COL8A1: variants seen among roughly 807,000 people sequenced by gnomAD.
The protein encoded by COL8A1 is collagen alpha-1(VIII) chain.
COL8A1 carries 21 observed loss-of-function variants against 42.7 expected under a neutral mutation model. That is an observed-to-expected ratio of 0.49 (90% confidence interval 0.35 to 0.71). COL8A1 has a LOEUF of 0.71. Among genes scored for constraint, COL8A1 ranks in the 30% least tolerant of loss-of-function variants. The pLI, the probability that COL8A1 is intolerant of heterozygous loss-of-function variation, is 0.01. For synonymous variants in COL8A1, 367 were observed against 369.1 expected (o/e 0.99, Z 0.06); for missense variants, 788 against 962.4 (o/e 0.82, Z 2.40).
intron 2 of COL8A1, among the ~76,000 whole-genome samples, chr3:99,778,864 C>T (rs750413462): frequency 1.3e-5 from 2 of 152,110 alleles, no homozygotes; most frequent in African/African-American, 2.4e-5. Flanking sequence ...ATTTGACAAG[C>T]ATTTCTCAAG....
At position 99,676,782 on chromosome 3, in the gene COL8A1, A is replaced by G. The variant is rs1421944134; in HGVS notation, c.-129+38118A>G. 2.0e-5 allele frequency among the ~76,000 whole-genome samples: 3 copies of G among 152,142 alleles called. No individual in the cohort carries two copies. The East Asian group carries it at 5.8e-4, about 29-fold the overall frequency. On this transcript the variant is annotated intron_variant, in intron 1 of 3. Transcript: ENST00000652472. ...AGGAAAAATATAATTTTCATTATTT[A>G]TTGTTAGAATTAATAACTGCATTTA...
intron 1 of COL8A1, among the ~76,000 whole-genome samples, chr3:99,700,485 T>C (rs1046885935): frequency 2.6e-5 from 4 of 152,028 alleles, no homozygotes; most frequent in African/African-American, 9.7e-5. Flanking sequence ...AGTCACCTTT[T>C]AGATGAGCAG....
chr3:99,686,776 G>A (rs2107329289), intron 1 of COL8A1, among the ~76,000 whole-genome samples: 1 of 152,236 alleles, frequency 6.6e-6, no homozygotes, highest in Non-Finnish European at 1.5e-5. Flanking sequence ...CCTAGCCTTA[G>A]GTGATCCTCC....
At chr3:99,787,104 G>T (rs1446298628) in intron 2 of COL8A1, among the ~76,000 whole-genome samples, 4 of 152,164 alleles carry the variant, frequency 2.6e-5, no homozygotes, top group Non-Finnish European at 5.9e-5. Context: ...AGGACCAACA[G>T]ATTAAATATT....
intron 2 of COL8A1, among the ~76,000 whole-genome samples, chr3:99,747,999 TA>T: frequency 6.6e-6 from 1 of 152,342 alleles, no homozygotes; most frequent in East Asian, 1.9e-4. Context: ...AATAATGCTT[TA>T]CATGTGTATG....
intron 1 of COL8A1, among the ~76,000 whole-genome samples, chr3:99,715,387 C>G (rs1939967756): frequency 6.6e-6 from 1 of 151,950 alleles, no homozygotes; most frequent in Admixed American, 6.6e-5. Context: ...TCTTACAGAC[C>G]GTTCAGATGT....
chr3:99,697,308 A>C (rs1939408834), intron 1 of COL8A1, among the ~76,000 whole-genome samples: 1 of 152,206 alleles, frequency 6.6e-6, no homozygotes, highest in Non-Finnish European at 1.5e-5. Flanking sequence ...TAACACAAAG[A>C]ACTTGAGTGT....
At chr3:99,657,605 C>T (rs1366198975) in intron 1 of COL8A1, among the ~76,000 whole-genome samples, 1 of 152,154 alleles carries the variant, frequency 6.6e-6, no homozygotes, top group African/African-American at 2.4e-5. Context: ...GAGGATGAAA[C>T]ACCCTCAACT....
chr3:99,750,598 A>G lies in COL8A1; in HGVS notation c.-4+5577A>G, dbSNP rs529247394. Among the ~76,000 whole-genome samples, 14 of 152,306 alleles carry G rather than the reference A, an allele frequency of 9.2e-5. No individual in the cohort carries two copies. In the East Asian group the frequency reaches 2.7e-3, roughly 29 times the overall value. On this transcript the variant is annotated intron_variant, in intron 2 of 3. Transcript: ENST00000652472. The stretch of plus-strand genomic sequence containing the variant: ...GGAGTAAAATGCAAATTTTGCTCTC[A>G]ATCACAAAATTTTTAAAAAATAATA...
chr3:99,689,205 C>G (rs2107332199), intron 1 of COL8A1, among the ~76,000 whole-genome samples: 1 of 152,312 alleles, frequency 6.6e-6, no homozygotes, highest in East Asian at 1.9e-4. Flanking sequence ...CCAAGGAAGT[C>G]AGAGTTGAGT....
intron 1 of COL8A1, among the ~76,000 whole-genome samples, chr3:99,706,241 T>C (rs921504878): frequency 2.0e-5 from 3 of 152,230 alleles, no homozygotes; most frequent in Non-Finnish European, 2.9e-5. Context: ...AGTGATAGTG[T>C]GAACTTTTGA....
intron 2 of COL8A1, among the ~76,000 whole-genome samples, chr3:99,787,338 C>T (rs1311875186): frequency 1.3e-5 from 2 of 152,186 alleles, no homozygotes; most frequent in Non-Finnish European, 2.9e-5. Flanking sequence ...ATTCTTGACA[C>T]ATGAATGAAT....
At chr3:99,660,911 A>G (rs1938184477) in intron 1 of COL8A1, among the ~76,000 whole-genome samples, 1 of 152,222 alleles carries the variant, frequency 6.6e-6, no homozygotes, top group Non-Finnish European at 1.5e-5. Flanking sequence ...GTATAAAAAC[A>G]TCATTTTCAA....
chr3:99,741,203 A>C (rs1214632701), intron 1 of COL8A1, among the ~76,000 whole-genome samples: 1 of 152,168 alleles, frequency 6.6e-6, no homozygotes, highest in African/African-American at 2.4e-5. Flanking sequence ...AAGGCTTTCT[A>C]ATATGTTTAT....
intron 1 of COL8A1, among the ~76,000 whole-genome samples, chr3:99,700,154 G>A (rs892419998): frequency 3.9e-5 from 6 of 152,148 alleles, no homozygotes; most frequent in South Asian, 2.1e-4. Context: ...AACAAGGTAC[G>A]AGGGCACAGG....
rs147906655 is a variant in COL8A1 at position 99,794,611 on chromosome 3, G to A, written c.710G>A (p.Arg237Gln). 45 of 1,613,314 alleles carry A rather than the reference G, an allele frequency of 2.8e-5. No homozygotes were observed. The highest frequency in any genetic ancestry group is 4.5e-5 in the East Asian group (2 of 44,852). ...PKGLPGPQGL[R>Q]GPKGDKGFGM... ...GGACTACCAGGACCTCAAGGCCTTC[G>A]GGGTCCTAAAGGAGACAAGGGCTTC... The change falls in exon 4 of 4, where the codon CGG becomes CAG. Residue 237 changes from arginine (R) to glutamine (Q), a missense_variant. Physicochemically the swap from Arg to Gln is conservative, Grantham distance 43. Transcript: ENST00000652472. This position sits in a 1 kb window ranked among gnomAD's most constrained non-coding sequence, Gnocchi z 4.3.
At chr3:99,765,115 C>T (rs967943178) in intron 2 of COL8A1, among the ~76,000 whole-genome samples, 1 of 152,120 alleles carries the variant, frequency 6.6e-6, no homozygotes, top group African/African-American at 2.4e-5. Context: ...ATACATGCTG[C>T]ATTGGCCACC....
chr3:99,708,279 T>C (rs557835843), intron 1 of COL8A1, among the ~76,000 whole-genome samples: 4 of 152,298 alleles, frequency 2.6e-5, no homozygotes, highest in South Asian at 4.1e-4. Context: ...AATTCTGTCA[T>C]AGAACTGGAA....
intron 2 of COL8A1, among the ~76,000 whole-genome samples, chr3:99,784,601 A>G (rs1242473080): frequency 2.6e-5 from 4 of 152,228 alleles, no homozygotes; most frequent in Admixed American, 6.5e-5. Flanking sequence ...CTGTAACACA[A>G]TGGTAAGTAT....
Sources: gnomAD v4.1 joint callset for allele counts (sites outside exome capture counted in the v4.1 genomes callset) on GRCh38, gnomAD v4.1.1 for gene constraint, Gnocchi (gnomAD v3.1) non-coding constraint, MANE v1.5 for transcripts, NCBI Gene and HGNC (gene_info 2026-07-23, HGNC 2026-07-21) for gene names.